Variants in SCN8A observed in about 807,000 individuals in gnomAD.
SCN8A encodes the protein sodium voltage-gated channel alpha subunit 8, also known as sodium channel protein type 8 subunit alpha.
A neutral mutation model predicts 184.1 loss-of-function variants in SCN8A; 30 were observed. That is an observed-to-expected ratio of 0.16 (90% CI 0.12 to 0.22). The LOEUF (loss-of-function observed/expected upper bound fraction) is 0.22. SCN8A is among the 10% of genes least tolerant of loss of function. The pLI, the probability that SCN8A is intolerant of heterozygous loss-of-function variation, is 1.00. For missense variants in SCN8A, 1,057 were observed against 2,498.9 expected, an observed-to-expected ratio of 0.42 and a Z score of 12.30; for synonymous variants, 852 against 907.0, an observed-to-expected ratio of 0.94 and a Z score of 1.09.
chr12:51,641,488 TA>T (rs1940453084), intron 1 of SCN8A, among the ~76,000 whole-genome samples: 2 of 152,260 alleles, frequency 1.3e-5, no homozygotes, highest in African/African-American at 4.8e-5. Context: ...CTAGCTCTGC[TA>T]CTTATTATCT....
intron 25 of SCN8A, among the ~76,000 whole-genome samples, chr12:51,792,612 G>T (rs898537257): frequency 6.6e-6 from 1 of 151,958 alleles, no homozygotes; most frequent in Non-Finnish European, 1.5e-5. Context: ...CCAGAGGAGG[G>T]ACATTGATGA....
At chr12:51,737,806 A>T (rs982820578) in intron 12 of SCN8A, among the ~76,000 whole-genome samples, 1 of 152,224 alleles carries the variant, frequency 6.6e-6, no homozygotes, top group African/African-American at 2.4e-5. Context: ...GATAGTAAAG[A>T]AACAGTCTTT....
At chr12:51,717,391 A>G (rs990924297) in intron 11 of SCN8A, among the ~76,000 whole-genome samples, 2 of 152,240 alleles carry the variant, frequency 1.3e-5, no homozygotes, top group African/African-American at 4.8e-5. Flanking sequence ...ATCAATTTCT[A>G]GAAAAATCAT....
chr12:51,774,171 C>G lies in SCN8A; in HGVS notation c.3646-18C>G, dbSNP rs1032651797. 1.2e-6 allele frequency: 2 copies of G among 1,612,166 alleles called. No individual in the cohort carries two copies. Among genetic ancestry groups the G allele is most frequent in the African/African-American group, 2.7e-5 (2 of 74,906 alleles). Reference sequence around the variant, plus strand: ...TGCCTTTAGGCACTGTCATAGGCAGCTGCTGCCTCTCTTTTAGGCCTTCGA... The same window carrying G: ...TGCCTTTAGGCACTGTCATAGGCAGGTGCTGCCTCTCTTTTAGGCCTTCGA... On this transcript the variant is annotated intron_variant, in intron 19 of 26. Coordinates refer to ENST00000627620, the MANE Select transcript of SCN8A (RefSeq NM_001330260.2).
At chr12:51,716,195 G>A (rs766672371) in intron 11 of SCN8A, among the ~76,000 whole-genome samples, 1 of 152,044 alleles carries the variant, frequency 6.6e-6, no homozygotes, top group Non-Finnish European at 1.5e-5. Flanking sequence ...TTAGCCAGGC[G>A]TGGTATGGCA....
intron 1 of SCN8A, among the ~76,000 whole-genome samples, chr12:51,627,569 A>G (rs1940106879): frequency 6.6e-6 from 1 of 152,088 alleles, no homozygotes; most frequent in Non-Finnish European, 1.5e-5. Flanking sequence ...TTTCGTAGAG[A>G]CAGGATTTCA....
At chr12:51,725,848 T>G (rs373529) in intron 12 of SCN8A, among the ~76,000 whole-genome samples, 134,753 of 152,264 alleles carry the variant, frequency 0.88, 59,860 homozygotes, top group East Asian at 0.98. Context: ...GGGCTAGGAT[T>G]TAGTGATTGT....
intron 2 of SCN8A, among the ~76,000 whole-genome samples, chr12:51,682,173 A>G (rs1257891026): frequency 6.6e-6 from 1 of 152,156 alleles, no homozygotes; most frequent in Non-Finnish European, 1.5e-5. Context: ...CATTCCTGGG[A>G]TAAATCCCAC....
intron 20 of SCN8A, among the ~76,000 whole-genome samples, chr12:51,777,313 G>A (rs531387260): frequency 2.6e-5 from 4 of 151,838 alleles, no homozygotes; most frequent in Admixed American, 2.6e-4. Flanking sequence ...AGGCTGGAGT[G>A]CAGTGGCACA....
intron 14 of SCN8A, among the ~76,000 whole-genome samples, chr12:51,753,556 T>C (rs1212616547): frequency 1.3e-5 from 2 of 152,198 alleles, no homozygotes; most frequent in African/African-American, 4.8e-5. Context: ...CTCAAAGATA[T>C]ACTTTGTTGC....
chr12:51,688,714 G>T (rs553857771), intron 5 of SCN8A: 4 of 1,397,722 alleles, frequency 2.9e-6, no homozygotes, highest in Middle Eastern at 1.8e-4. Context: ...TCAAACCCTC[G>T]CCCAGTGGTA....
chr12:51,706,692 A>G lies in SCN8A; in HGVS notation c.1612A>G (p.Arg538Gly), dbSNP rs1941791362. The G allele has an allele frequency of 6.4e-6, 10 of 1,552,418 alleles. No homozygotes were observed. Among genetic ancestry groups the G allele is most frequent in the Non-Finnish European group, 8.7e-6 (10 of 1,155,288 alleles). ...TCGGCTGCCAGACAACAGAATAGGGAGGAAATTTTCCATCATGAATCAGGT... is the reference window on the plus strand; with the variant it reads ...TCGGCTGCCAGACAACAGAATAGGGGGGAAATTTTCCATCATGAATCAGGT... ...AFRLPDNRIG[R>G]KFSIMNQSLL... The change falls in exon 11 of 27, where the codon AGG becomes GGG. Residue 538 changes from arginine to glycine, a missense_variant. Coordinates refer to ENST00000627620, the MANE Select transcript of SCN8A (RefSeq NM_001330260.2).
At chr12:51,722,791 T>G (rs1942090512) in intron 12 of SCN8A, 1 of 152,228 alleles carries the variant, frequency 6.6e-6, no homozygotes, top group South Asian at 2.1e-4. Flanking sequence ...TATAATAGCT[T>G]CACAAAATCA....
At chr12:51,666,189 G>T (rs1941029557) in intron 2 of SCN8A, among the ~76,000 whole-genome samples, 1 of 152,184 alleles carries the variant, frequency 6.6e-6, no homozygotes, top group Non-Finnish European at 1.5e-5. Context: ...TAAAAGATAA[G>T]ACTTATTTAA....
intron 21 of SCN8A, among the ~76,000 whole-genome samples, chr12:51,782,836 A>C (rs1401821026): frequency 6.6e-6 from 1 of 152,160 alleles, no homozygotes; most frequent in African/African-American, 2.4e-5. Flanking sequence ...CTGGACCCTC[A>C]GTTTCCAGTC....
chr12:51,760,986 A>G (rs1356156615), intron 14 of SCN8A, among the ~76,000 whole-genome samples: 6 of 152,194 alleles, frequency 3.9e-5, no homozygotes, highest in Non-Finnish European at 7.3e-5. Flanking sequence ...CTCAGACTAT[A>G]TCTTCAGTTT....
intron 3 of SCN8A, 91 bp downstream of exon 3, chr12:51,684,383 G>A (rs1941385589): frequency 1.4e-6 from 1 of 727,336 alleles, no homozygotes; most frequent in African/African-American, 1.7e-5. Flanking sequence ...TATATGTTAA[G>A]TTTTTTACTG....
intron 1 of SCN8A, among the ~76,000 whole-genome samples, chr12:51,601,155 G>A (rs1454846800): frequency 6.6e-6 from 1 of 152,226 alleles, no homozygotes; most frequent in Non-Finnish European, 1.5e-5. Flanking sequence ...AAGGTAGCCT[G>A]GGATGAGGAA....
At chr12:51,788,774 C>A in intron 23 of SCN8A, 26 bp downstream of exon 23, 1 of 1,596,062 alleles carries the variant, frequency 6.3e-7, no homozygotes, top group Non-Finnish European at 8.6e-7. Context: ...GCGAAAATAC[C>A]ACCTTCTCAG....
Sources: gnomAD v4.1 joint callset for allele counts (sites outside exome capture counted in the v4.1 genomes callset) on GRCh38, gnomAD v4.1.1 for gene constraint, MANE v1.5 for transcripts, NCBI Gene and HGNC (gene_info 2026-07-23, HGNC 2026-07-21) for gene names.